GALNT13: variants seen among roughly 807,000 people sequenced by gnomAD.
GALNT13 encodes the protein UDP-GalNAc:polypeptide N-acetylgalactosaminyltransferase 13.
In GALNT13, 28 loss-of-function variants were observed where a neutral mutation model predicts 64.2. The ratio of observed to expected loss-of-function variants is 0.44; its 90% CI spans 0.32 to 0.60. The LOEUF (loss-of-function observed/expected upper bound fraction) is 0.60. Among genes scored for constraint, GALNT13 ranks in the 20% least tolerant of loss-of-function variants. The pLI is 0.05. For synonymous variants in GALNT13, 214 were observed against 224.6 expected (o/e 0.95, Z 0.42); for missense variants, 577 against 669.8 (o/e 0.86, Z 1.53).
the GALNT13 span, among the ~76,000 whole-genome samples, chr2:153,386,345 A>G: frequency 6.6e-6 from 1 of 152,124 alleles, no homozygotes; most frequent in Non-Finnish European, 1.5e-5. Flanking sequence ...AATAATTGAT[A>G]CCGACTGTTA....
chr2:154,097,389 T>G (rs1702128508), intron 3 of GALNT13, among the ~76,000 whole-genome samples: 1 of 152,056 alleles, frequency 6.6e-6, no homozygotes, highest in Admixed American at 6.6e-5. Context: ...GAAGAAAAGT[T>G]AATTTTCTGT....
the GALNT13 span, among the ~76,000 whole-genome samples, chr2:153,855,796 C>G: frequency 3.3e-5 from 5 of 152,064 alleles, no homozygotes; most frequent in African/African-American, 1.2e-4. Context: ...ATGTTCGTAG[C>G]AGCATTTTTC....
chr2:153,438,469 G>A, the GALNT13 span, among the ~76,000 whole-genome samples: 3 of 152,278 alleles, frequency 2.0e-5, no homozygotes, highest in Non-Finnish European at 4.4e-5. Context: ...ACACCAATCA[G>A]ATGTAGATTT....
At chr2:153,825,534 T>G in the GALNT13 span, among the ~76,000 whole-genome samples, 2 of 152,054 alleles carry the variant, frequency 1.3e-5, no homozygotes, top group Non-Finnish European at 2.9e-5. Context: ...ATCCTTGGTC[T>G]CTGGCCACTT....
the GALNT13 span, among the ~76,000 whole-genome samples, chr2:153,119,607 C>A: frequency 6.6e-6 from 1 of 152,178 alleles, no homozygotes; most frequent in Non-Finnish European, 1.5e-5. Context: ...CTGACTCCTG[C>A]TGACAGGCTT....
At chr2:153,797,976 G>A in the GALNT13 span, among the ~76,000 whole-genome samples, 2 of 152,144 alleles carry the variant, frequency 1.3e-5, no homozygotes, top group Admixed American at 6.5e-5. Flanking sequence ...ATGGGCCACA[G>A]CATCAGCATT....
intron 3 of GALNT13, among the ~76,000 whole-genome samples, chr2:154,021,035 C>G (rs1416350461): frequency 1.3e-5 from 2 of 152,038 alleles, no homozygotes; most frequent in Non-Finnish European, 2.9e-5. Flanking sequence ...ATTTCTGACG[C>G]CTCTGTTCTG....
chr2:153,248,932 G>T, the GALNT13 span, among the ~76,000 whole-genome samples: 10 of 151,414 alleles, frequency 6.6e-5, no homozygotes, highest in Non-Finnish European at 1.3e-4. Context: ...CATACAGAAT[G>T]GGAAAAAGCT....
chr2:153,586,576 T>C, the GALNT13 span, among the ~76,000 whole-genome samples: 1 of 152,064 alleles, frequency 6.6e-6, no homozygotes, highest in Non-Finnish European at 1.5e-5. Context: ...GACAGAGGAA[T>C]ACAATAATAT....
At chr2:153,287,672 GGT>G in the GALNT13 span, among the ~76,000 whole-genome samples, 1 of 151,980 alleles carries the variant, frequency 6.6e-6, no homozygotes, top group Non-Finnish European at 1.5e-5. Context: ...GGTGCCTGTC[GGT>G]GTGCTCTTCT....
chr2:154,354,478 A>C (rs931501919), intron 9 of GALNT13, among the ~76,000 whole-genome samples: 4 of 121,274 alleles, frequency 3.3e-5, no homozygotes, highest in Non-Finnish European at 4.8e-5. Flanking sequence ...GTGATATCTA[A>C]AAAATCTTGG....
the GALNT13 span, among the ~76,000 whole-genome samples, chr2:153,437,076 G>A: frequency 3.3e-5 from 5 of 151,968 alleles, no homozygotes; most frequent in Admixed American, 2.6e-4. Flanking sequence ...CCTTCATTTC[G>A]TTATGTACCC....
chr2:154,185,263 T>C (rs1686187109), intron 4 of GALNT13, among the ~76,000 whole-genome samples: 1 of 152,108 alleles, frequency 6.6e-6, no homozygotes, highest in South Asian at 2.1e-4. Flanking sequence ...TTTCTATTAC[T>C]GCTTTCAAAA....
intron 9 of GALNT13, among the ~76,000 whole-genome samples, chr2:154,322,988 A>G (rs1329956247): frequency 1.3e-5 from 2 of 151,968 alleles, no homozygotes; most frequent in Non-Finnish European, 2.9e-5. Context: ...ATCTCGGGGT[A>G]CTCAGATAAC....
At chr2:153,726,558 G>A in the GALNT13 span, among the ~76,000 whole-genome samples, 1 of 152,100 alleles carries the variant, frequency 6.6e-6, no homozygotes, top group South Asian at 2.1e-4. Context: ...ACTTCTACCT[G>A]CTTATTTTCC....
At chr2:153,792,517 A>G in the GALNT13 span, among the ~76,000 whole-genome samples, 1 of 152,140 alleles carries the variant, frequency 6.6e-6, no homozygotes, top group Non-Finnish European at 1.5e-5. Flanking sequence ...CTAATGGCCA[A>G]TCCTCTTGAT....
the GALNT13 span, among the ~76,000 whole-genome samples, chr2:153,228,840 TC>T: frequency 1.7e-5 from 2 of 120,650 alleles, no homozygotes; most frequent in Non-Finnish European, 3.2e-5. Flanking sequence ...ACCACTGCAC[TC>T]CACCCTGGTG....
At chr2:154,290,487 A>T (rs77001975) in intron 8 of GALNT13, among the ~76,000 whole-genome samples, 2,727 of 152,328 alleles carry the variant, frequency 0.018, 101 homozygotes, top group African/African-American at 0.063. Flanking sequence ...CATACAGGAC[A>T]TGCCTTCCTT....
chr2:153,670,976 A>G, the GALNT13 span, among the ~76,000 whole-genome samples: 2 of 152,220 alleles, frequency 1.3e-5, no homozygotes, highest in Non-Finnish European at 2.9e-5. Context: ...AAATTAATGA[A>G]ATAAAGCAAG....
Sources: allele counts gnomAD v4.1 joint callset (sites outside exome capture counted in the v4.1 genomes callset), GRCh38; gene constraint gnomAD v4.1.1; transcripts MANE v1.5; gene names NCBI Gene and HGNC (gene_info 2026-07-23, HGNC 2026-07-21).